AKAP19: variants seen among roughly 807,000 people sequenced by gnomAD.
The protein encoded by AKAP19 is small A-kinase anchoring protein.
the AKAP19 span, among the ~76,000 whole-genome samples, chr2:190,140,667 G>A: frequency 6.6e-6 from 1 of 152,296 alleles, no homozygotes; most frequent in African/African-American, 2.4e-5. Flanking sequence ...GGAGGCCCTG[G>A]ACCCGGCCCA....
chr2:189,955,292 G>GTTTTTGT, the AKAP19 span, among the ~76,000 whole-genome samples: 2 of 151,760 alleles, frequency 1.3e-5, no homozygotes, highest in Non-Finnish European at 2.9e-5. Context: ...TTCGTATTTT[G>GTTTTTGT]TTTTTGTTTT....
chr2:189,988,055 T>A, the AKAP19 span, among the ~76,000 whole-genome samples: 1 of 152,186 alleles, frequency 6.6e-6, no homozygotes, highest in East Asian at 1.9e-4. Context: ...GGCTCAGGGA[T>A]GAAATCTTAG....
the AKAP19 span, among the ~76,000 whole-genome samples, chr2:189,898,323 A>G: frequency 6.6e-6 from 1 of 152,332 alleles, no homozygotes; most frequent in East Asian, 1.9e-4. Context: ...AGCCCTTTGT[A>G]TAAACTCATG....
chr2:190,057,368 A>G, the AKAP19 span: 10 of 1,613,584 alleles, frequency 6.2e-6, no homozygotes, highest in Non-Finnish European at 8.5e-6. Flanking sequence ...GTGGGAGTAC[A>G]GCAAGGGCCT....
chr2:190,095,841 G>A, the AKAP19 span, among the ~76,000 whole-genome samples: 2 of 152,270 alleles, frequency 1.3e-5, no homozygotes, highest in African/African-American at 4.8e-5. Flanking sequence ...TAAGGCTGCT[G>A]TCTTCACATC....
chr2:190,010,278 A>G, the AKAP19 span, among the ~76,000 whole-genome samples: 1 of 152,226 alleles, frequency 6.6e-6, no homozygotes, highest in Non-Finnish European at 1.5e-5. Context: ...GAATGGGTGC[A>G]GAAAACAATT....
At chr2:189,888,592 T>G in the AKAP19 span, among the ~76,000 whole-genome samples, 1 of 152,226 alleles carries the variant, frequency 6.6e-6, no homozygotes. Flanking sequence ...GTTTTTCCAT[T>G]TGTTTGTGTC....
chr2:189,962,768 T>C, the AKAP19 span, among the ~76,000 whole-genome samples: 5,212 of 152,240 alleles, frequency 0.034, 283 homozygotes, highest in African/African-American at 0.11. Flanking sequence ...GTTAACTCTT[T>C]ACATAACATT....
the AKAP19 span, among the ~76,000 whole-genome samples, chr2:190,123,135 T>C: frequency 6.6e-6 from 1 of 152,156 alleles, no homozygotes; most frequent in African/African-American, 2.4e-5. Flanking sequence ...ATTCAAGAAA[T>C]ATAGCATAAG....
At chr2:190,000,870 T>C in the AKAP19 span, among the ~76,000 whole-genome samples, 1 of 152,192 alleles carries the variant, frequency 6.6e-6, no homozygotes, top group African/African-American at 2.4e-5. Flanking sequence ...TTGGGGTTTA[T>C]TGGGTTTCTA....
At chr2:189,937,804 T>C in the AKAP19 span, among the ~76,000 whole-genome samples, 1 of 152,164 alleles carries the variant, frequency 6.6e-6, no homozygotes, top group Non-Finnish European at 1.5e-5. Flanking sequence ...TCATACACTG[T>C]TGATGGGAAT....
chr2:190,023,180 G>T, the AKAP19 span, among the ~76,000 whole-genome samples: 1 of 151,864 alleles, frequency 6.6e-6, no homozygotes, highest in Non-Finnish European at 1.5e-5. Context: ...ACTTTTTTAT[G>T]CTATATTGTA....
the AKAP19 span, among the ~76,000 whole-genome samples, chr2:190,160,063 A>G: frequency 6.6e-6 from 1 of 152,208 alleles, no homozygotes; most frequent in South Asian, 2.1e-4. Context: ...TTTTGAAGAT[A>G]TAAGTTATGA....
At chr2:190,176,230 AG>A in the AKAP19 span, among the ~76,000 whole-genome samples, 1 of 152,256 alleles carries the variant, frequency 6.6e-6, no homozygotes, top group Non-Finnish European at 1.5e-5. The surrounding 1 kb of genome is among the most constrained non-coding windows in gnomAD (Gnocchi z 4.7). Flanking sequence ...AAACAAGAAG[AG>A]GTCTTTCCCA....
chr2:189,916,280 T>C, the AKAP19 span, among the ~76,000 whole-genome samples: 5 of 151,860 alleles, frequency 3.3e-5, no homozygotes, highest in Admixed American at 6.6e-5. Flanking sequence ...ATCCCTCATA[T>C]ATTATACTTC....
chr2:190,184,871 T>TA, the AKAP19 span, among the ~76,000 whole-genome samples: 1 of 152,086 alleles, frequency 6.6e-6, no homozygotes. Context: ...AACAGGGCTT[T>TA]AAAAAATGGT....
the AKAP19 span, among the ~76,000 whole-genome samples, chr2:190,097,093 T>C: frequency 6.6e-6 from 1 of 152,204 alleles, no homozygotes; most frequent in Non-Finnish European, 1.5e-5. Flanking sequence ...AGTTCAGGTG[T>C]ACATGTGCAG....
chr2:189,976,081 G>T, the AKAP19 span, among the ~76,000 whole-genome samples: 3 of 152,148 alleles, frequency 2.0e-5, no homozygotes, highest in Non-Finnish European at 4.4e-5. Context: ...TCAGCTTCCT[G>T]CTCTGTTTTT....
chr2:190,134,972 A>C, the AKAP19 span, among the ~76,000 whole-genome samples: 49 of 152,244 alleles, frequency 3.2e-4, no homozygotes, highest in African/African-American at 1.1e-3. Context: ...GGATCATTTA[A>C]ATTTCAGGAA....
Sources: allele counts gnomAD v4.1 joint callset (sites outside exome capture counted in the v4.1 genomes callset), GRCh38; gene constraint gnomAD v4.1.1; non-coding constraint Gnocchi (gnomAD v3.1); transcripts MANE v1.5; gene names NCBI Gene and HGNC (gene_info 2026-07-23, HGNC 2026-07-21).